The following ARHGAP15 variants were observed in gnomAD, a reference collection of about 807,000 sequenced individuals.
The protein encoded by ARHGAP15 is Rho GTPase activating protein 15, also known as rho GTPase-activating protein 15.
A neutral mutation model predicts 63.7 loss-of-function variants in ARHGAP15; 51 were observed. That is an observed-to-expected ratio of 0.80 (90% CI 0.64 to 1.01). The LOEUF is 1.01. Ranked by LOEUF, ARHGAP15 falls within the 50% of genes least tolerant of loss-of-function variation. ARHGAP15 has a pLI of 0.00. For missense variants in ARHGAP15, 560 were observed against 564.6 expected (o/e 0.99, Z 0.08); for synonymous variants, 191 against 193.8 (o/e 0.99, Z 0.12).
chr2:143,706,950 T>A (rs2105431712), intron 13 of ARHGAP15, among the ~76,000 whole-genome samples: 1 of 152,252 alleles, frequency 6.6e-6, no homozygotes, highest in Non-Finnish European at 1.5e-5. Context: ...CCTGCTTCTT[T>A]GGAAAGGCAG....
chr2:143,550,129 A>C (rs191489262), intron 10 of ARHGAP15, among the ~76,000 whole-genome samples: 1 of 152,238 alleles, frequency 6.6e-6, no homozygotes. Flanking sequence ...TTTTACTGCT[A>C]TAAGTTTAAA....
chr2:143,641,769 T>G (rs750429246), intron 12 of ARHGAP15, among the ~76,000 whole-genome samples: 3 of 152,120 alleles, frequency 2.0e-5, no homozygotes, highest in Non-Finnish European at 4.4e-5. Context: ...ATCAGAACTC[T>G]TAGAAAATTT....
intron 10 of ARHGAP15, among the ~76,000 whole-genome samples, chr2:143,537,605 A>C (rs1694840214): frequency 1.3e-5 from 2 of 152,236 alleles, no homozygotes; most frequent in African/African-American, 4.8e-5. Context: ...ATGGCTAGCC[A>C]GTTTTCCCAG....
chr2:143,237,227 T>G (rs1693688931), intron 5 of ARHGAP15: 1 of 152,160 alleles, frequency 6.6e-6, no homozygotes. Context: ...TAAAAACACA[T>G]GCAGGACTTG....
rs79603672 is a variant in ARHGAP15, at chr2:143,710,821, A to C, written c.1244+7297A>C. Among the ~76,000 whole-genome samples, 1,231 of 152,330 alleles carry C rather than the reference A, an allele frequency of 8.1e-3. 16 individuals are homozygous for C. Among genetic ancestry groups the C allele is most frequent in the African/African-American group, 0.028 (1,184 of 41,572 alleles). Reference sequence around the variant, plus strand: ...GTCTCAGGCCCCATTCTCAGCCCTTAGAAACTGTACAACATTGAGAAAATC... The same window carrying C: ...GTCTCAGGCCCCATTCTCAGCCCTTCGAAACTGTACAACATTGAGAAAATC... On this transcript the variant is annotated intron_variant, in intron 13 of 13. Coordinates refer to ENST00000295095, the MANE Select transcript of ARHGAP15 (RefSeq NM_018460.4).
At chr2:143,724,407 G>T (rs924809885) in intron 13 of ARHGAP15, among the ~76,000 whole-genome samples, 4 of 152,172 alleles carry the variant, frequency 2.6e-5, no homozygotes, top group Admixed American at 2.0e-4. Context: ...AGACAAAGTT[G>T]TTTCTTACCG....
At chr2:143,242,201 C>T (rs1693889995) in intron 5 of ARHGAP15, among the ~76,000 whole-genome samples, 1 of 152,106 alleles carries the variant, frequency 6.6e-6, no homozygotes, top group Non-Finnish European at 1.5e-5. Context: ...AGCCAAAGGC[C>T]CTTCTATAGT....
chr2:143,448,422 GAGAGATCAGAGGTAAGAAGATGAATTC>G (rs1475124525), intron 8 of ARHGAP15, among the ~76,000 whole-genome samples: 6 of 152,088 alleles, frequency 3.9e-5, no homozygotes, highest in Admixed American at 6.6e-5. Context: ...AGCACAGAGT[GAGAGATCAGAGGTAAGAAGATGAATTC>G]AGAGATCAGA....
chr2:143,531,882 G>A (rs1694537125), intron 10 of ARHGAP15, among the ~76,000 whole-genome samples: 1 of 152,210 alleles, frequency 6.6e-6, no homozygotes, highest in African/African-American at 2.4e-5. Flanking sequence ...TTCATATTAA[G>A]AGTCAGTCTT....
At chr2:143,235,344 G>A (rs1693602580) in intron 5 of ARHGAP15, among the ~76,000 whole-genome samples, 1 of 151,532 alleles carries the variant, frequency 6.6e-6, no homozygotes, top group Admixed American at 6.6e-5. Flanking sequence ...AATATGTGGA[G>A]ATTTGTAGGG....
At chr2:143,728,549 A>G (rs115285736) in intron 13 of ARHGAP15, among the ~76,000 whole-genome samples, 1 of 152,302 alleles carries the variant, frequency 6.6e-6, no homozygotes, top group African/African-American at 2.4e-5. Context: ...CTAAATTAAT[A>G]TTTGTAAGTC....
rs1559076886 is a variant in ARHGAP15 at position 143,606,062 on chromosome 2, A to AAAAAAAAAAAAAC, written c.1004-18063_1004-18062insAAAACAAAAAAAA. On this transcript the variant is annotated intron_variant, in intron 11 of 13. Transcript: ENST00000295095. ...AAAAAAAAAAAAAAAAAAAAAAAAAAAAAAAAAAGCCATACATCTGTCTCT... is the reference window on the plus strand; with the variant it reads ...AAAAAAAAAAAAAAAAAAAAAAAAAAAAAAAAAAAAAACAAAAAAAAGCCATACATCTGTCTCT... Among the ~76,000 whole-genome samples, 5 of 73,176 alleles carry AAAAAAAAAAAAAC rather than the reference A, an allele frequency of 6.8e-5. 1 individual carries two copies. The highest frequency in any genetic ancestry group is 3.3e-5 in the Non-Finnish European group (1 of 30,102). 48.0% of individuals were successfully genotyped at this position (73,176 alleles called of 152,430 possible). A position where few individuals can be genotyped will look rare whatever the true frequency, so the allele number is the denominator to read the frequency against.
chr2:143,320,987 C>A (rs187045444), intron 6 of ARHGAP15, among the ~76,000 whole-genome samples: 50 of 152,212 alleles, frequency 3.3e-4, no homozygotes, highest in African/African-American at 1.2e-3. Flanking sequence ...AGGCTTTTGC[C>A]CGGGGCCTAA....
chr2:143,681,172 T>A (rs780175313), intron 12 of ARHGAP15, among the ~76,000 whole-genome samples: 1 of 152,196 alleles, frequency 6.6e-6, no homozygotes, highest in Non-Finnish European at 1.5e-5. Context: ...TGCTACCTCA[T>A]TGTGGTGTGT....
At chr2:143,661,725 C>T (rs922331757) in intron 12 of ARHGAP15, among the ~76,000 whole-genome samples, 8 of 152,104 alleles carry the variant, frequency 5.3e-5, no homozygotes, top group Admixed American at 2.0e-4. Flanking sequence ...GCACACCGTG[C>T]GTGAGCCGAA....
chr2:143,236,695 AT>A (rs530718147), intron 5 of ARHGAP15: 75 of 152,274 alleles, frequency 4.9e-4, no homozygotes, highest in African/African-American at 1.8e-3. Context: ...GATGTATAGG[AT>A]TTTGATGTAA....
chr2:143,152,039 T>C (rs1689846029), intron 1 of ARHGAP15, among the ~76,000 whole-genome samples: 1 of 151,920 alleles, frequency 6.6e-6, no homozygotes, highest in African/African-American at 2.4e-5. Flanking sequence ...AAAAACATTG[T>C]GTGTTATGTA....
intron 2 of ARHGAP15, among the ~76,000 whole-genome samples, chr2:143,169,156 C>T (rs968410696): frequency 6.6e-6 from 1 of 152,032 alleles, no homozygotes; most frequent in Non-Finnish European, 1.5e-5. Flanking sequence ...GACATATTGA[C>T]ATTCTGAGAT....
chr2:143,171,133 TAAA>T (rs1361865807), intron 2 of ARHGAP15, among the ~76,000 whole-genome samples: 1 of 152,084 alleles, frequency 6.6e-6, no homozygotes, highest in Non-Finnish European at 1.5e-5. Context: ...GGAGCTGAAT[TAAA>T]GAAGAAAAAT....
Sources: allele counts gnomAD v4.1 joint callset (sites outside exome capture counted in the v4.1 genomes callset), GRCh38; gene constraint gnomAD v4.1.1; transcripts MANE v1.5; gene names NCBI Gene and HGNC (gene_info 2026-07-23, HGNC 2026-07-21).